The following NPNT variants were observed in gnomAD, a reference collection of about 807,000 sequenced individuals.
NPNT encodes preosteoblast EGF-like repeat protein with MAM domain.
A neutral mutation model predicts 68.6 loss-of-function variants in NPNT; 45 were observed. That is an observed-to-expected ratio of 0.66 (90% CI 0.52 to 0.84). NPNT has a LOEUF of 0.84. Among genes scored for constraint, NPNT ranks in the 40% least tolerant of loss-of-function variants. The pLI is 0.00. For missense variants in NPNT, 672 were observed against 714.8 expected, an observed-to-expected ratio of 0.94 and a Z score of 0.68; for synonymous variants, 233 against 253.3, an observed-to-expected ratio of 0.92 and a Z score of 0.76.
chr4:105,917,833 A>G (rs1727942843), intron 2 of NPNT, among the ~76,000 whole-genome samples: 2 of 152,200 alleles, frequency 1.3e-5, no homozygotes, highest in Non-Finnish European at 2.9e-5. Context: ...GTGATTGGAA[A>G]TGAGGCCAAT....
intron 8 of NPNT, among the ~76,000 whole-genome samples, chr4:105,950,604 A>T (rs1730747519): frequency 1.3e-5 from 2 of 151,530 alleles, no homozygotes; most frequent in Non-Finnish European, 2.9e-5. Context: ...CACCCAGCTA[A>T]TTTTTTTTGT....
At chr4:105,916,408 G>C (rs760265891) in intron 2 of NPNT, among the ~76,000 whole-genome samples, 19 of 149,300 alleles carry the variant, frequency 1.3e-4, no homozygotes, top group Admixed American at 2.0e-4. Flanking sequence ...TTTTTCAGTA[G>C]AGACGGGTTT....
intron 8 of NPNT, among the ~76,000 whole-genome samples, chr4:105,948,730 C>G (rs1286063852): frequency 1.3e-5 from 2 of 152,100 alleles, no homozygotes; most frequent in Admixed American, 1.3e-4. Flanking sequence ...AAGCAATCCT[C>G]CTGCCTCAGC....
At chr4:105,939,141 C>T (rs912665783) in intron 5 of NPNT, among the ~76,000 whole-genome samples, 1 of 152,154 alleles carries the variant, frequency 6.6e-6, no homozygotes, top group Non-Finnish European at 1.5e-5. Flanking sequence ...AGATTTTGAT[C>T]CCCACAAAGC....
intron 6 of NPNT, 57 bp downstream of exon 6, chr4:105,940,266 C>T (rs532625337): frequency 2.6e-6 from 4 of 1,555,612 alleles, no homozygotes; most frequent in East Asian, 2.2e-5. Flanking sequence ...TGAAAGGTCT[C>T]GTAATTGTGG....
intron 8 of NPNT, among the ~76,000 whole-genome samples, chr4:105,958,142 T>A (rs1375226373): frequency 6.6e-6 from 1 of 152,212 alleles, no homozygotes; most frequent in Non-Finnish European, 1.5e-5. Context: ...AGATGAACTT[T>A]AGAATTTCAT....
At chr4:105,897,605 G>A (rs1446037875) in intron 1 of NPNT, among the ~76,000 whole-genome samples, 2 of 152,184 alleles carry the variant, frequency 1.3e-5, no homozygotes. Flanking sequence ...TGGCAGCCTT[G>A]AGAATTGTTG....
chr4:105,914,972 CTG>C (rs1276332935), intron 2 of NPNT, among the ~76,000 whole-genome samples: 1 of 152,130 alleles, frequency 6.6e-6, no homozygotes, highest in Non-Finnish European at 1.5e-5. Flanking sequence ...TAGAGGAACA[CTG>C]TAAAGATTTT....
At chr4:105,946,050 TAA>T (rs1273398302) in intron 8 of NPNT, among the ~76,000 whole-genome samples, 2 of 152,234 alleles carry the variant, frequency 1.3e-5, no homozygotes, top group African/African-American at 4.8e-5. Flanking sequence ...CAGATTTTTT[TAA>T]AGTTACGTGT....
At chr4:105,952,382 G>T (rs1730902654) in intron 8 of NPNT, among the ~76,000 whole-genome samples, 1 of 152,126 alleles carries the variant, frequency 6.6e-6, no homozygotes, top group Non-Finnish European at 1.5e-5. Context: ...AGTCTCATTA[G>T]ACAGTTGTGA....
intron 11 of NPNT, among the ~76,000 whole-genome samples, chr4:105,968,405 G>T (rs182365336): frequency 6.6e-6 from 1 of 152,236 alleles, no homozygotes; most frequent in East Asian, 1.9e-4. Flanking sequence ...AAAGTTTTTG[G>T]TTTTTACATA....
intron 3 of NPNT, among the ~76,000 whole-genome samples, chr4:105,933,310 C>T (rs1192271324): frequency 2.0e-5 from 3 of 152,148 alleles, no homozygotes; most frequent in Admixed American, 1.3e-4. Flanking sequence ...ATATTAATGT[C>T]TTCGTCATGC....
intron 1 of NPNT, among the ~76,000 whole-genome samples, chr4:105,896,162 G>T (rs1725825002): frequency 6.6e-6 from 1 of 152,200 alleles, no homozygotes; most frequent in African/African-American, 2.4e-5. Flanking sequence ...TCTGCTCAGG[G>T]CTCTCGGGGC....
intron 2 of NPNT, 97 bp downstream of exon 2, chr4:105,898,098 C>A: frequency 1.3e-6 from 1 of 799,384 alleles, no homozygotes; most frequent in South Asian, 1.9e-5. Flanking sequence ...CATTACTGAG[C>A]AAGGCTTGGC....
chr4:105,903,410 G>A (rs557701301), intron 2 of NPNT, among the ~76,000 whole-genome samples: 11 of 152,178 alleles, frequency 7.2e-5, no homozygotes, highest in Admixed American at 1.3e-4. Flanking sequence ...AGATGGAAGG[G>A]CAAGGGAGAG....
At position 105,967,453 on chromosome 4, in the gene NPNT, A is replaced by T; in HGVS notation, c.1602+9A>T. On this transcript the variant is annotated intron_variant, in intron 11 of 11. Coordinates refer to ENST00000379987, the MANE Select transcript of NPNT (RefSeq NM_001033047.3). ...GGGCTGACATCAAGAGCGTAAGTAG[A>T]TCCACAAAGGAGGCAGGACCTGGGA... is the stretch of plus-strand genomic sequence containing the variant. The T allele has an allele frequency of 6.5e-7, 1 of 1,549,054 alleles. No individual in the cohort carries two copies. Among genetic ancestry groups the T allele is most frequent in the Non-Finnish European group, 8.7e-7 (1 of 1,151,244 alleles).
chr4:105,948,861 G>A (rs994758211), intron 8 of NPNT, among the ~76,000 whole-genome samples: 18 of 152,086 alleles, frequency 1.2e-4, no homozygotes, highest in Admixed American at 5.2e-4. Flanking sequence ...GCCTCCCCAA[G>A]TGCTGGGATT....
intron 2 of NPNT, among the ~76,000 whole-genome samples, chr4:105,920,046 T>C (rs1263909769): frequency 6.6e-6 from 1 of 152,094 alleles, no homozygotes; most frequent in East Asian, 1.9e-4. Flanking sequence ...TTAGTAGGCA[T>C]TGTTCTTTAA....
intron 2 of NPNT, among the ~76,000 whole-genome samples, chr4:105,898,396 C>T (rs1726131564): frequency 1.4e-5 from 2 of 144,100 alleles, no homozygotes; most frequent in Admixed American, 7.2e-5. Context: ...CTCGCTTGCT[C>T]CAGGCTGGGA....
Sources: allele counts gnomAD v4.1 joint callset (sites outside exome capture counted in the v4.1 genomes callset), GRCh38; gene constraint gnomAD v4.1.1; transcripts MANE v1.5; gene names NCBI Gene and HGNC (gene_info 2026-07-23, HGNC 2026-07-21).